Variants in ARHGEF33 observed in about 807,000 individuals in gnomAD.
ARHGEF33 encodes the protein Rho guanine nucleotide exchange factor 33, also known as DH and coiled-coil domain-containing protein ENSP00000381780.
A neutral mutation model predicts 101.9 loss-of-function variants in ARHGEF33; 72 were observed. The ratio of observed to expected loss-of-function variants is 0.71; its 90% CI spans 0.58 to 0.86. ARHGEF33 has a LOEUF of 0.86. Among genes scored for constraint, ARHGEF33 ranks in the 40% least tolerant of loss-of-function variants. ARHGEF33 has a pLI of 0.00. For missense variants in ARHGEF33, 1,169 were observed against 1,111.3 expected (o/e 1.05, Z -0.74); for synonymous variants, 499 against 442.5 (o/e 1.13, Z -1.60).
At chr2:38,956,074 T>C (rs1667744674) in intron 13 of ARHGEF33, among the ~76,000 whole-genome samples, 1 of 152,222 alleles carries the variant, frequency 6.6e-6, no homozygotes, top group Admixed American at 6.5e-5. Flanking sequence ...GTATTATTGT[T>C]GTCATGTTTT....
At chr2:38,902,134 GAA>G (rs1156887244) in intron 2 of ARHGEF33, among the ~76,000 whole-genome samples, 2 of 58,454 alleles carry the variant, frequency 3.4e-5, no homozygotes, top group African/African-American at 6.3e-5. Context: ...TCCATCTCAA[GAA>G]AAAAAAAAAA....
chr2:38,918,497 T>C (rs1219506247), intron 2 of ARHGEF33, among the ~76,000 whole-genome samples: 1 of 152,098 alleles, frequency 6.6e-6, no homozygotes, highest in Non-Finnish European at 1.5e-5. Flanking sequence ...TAAGAAGGGG[T>C]TAAAATGCTG....
intron 16 of ARHGEF33, among the ~76,000 whole-genome samples, chr2:38,964,090 C>T (rs990149965): frequency 6.6e-6 from 1 of 152,082 alleles, no homozygotes; most frequent in African/African-American, 2.4e-5. Flanking sequence ...GTGAGAGTGA[C>T]ACCTGAAGTG....
chr2:38,968,826 T>C (rs564420423), intron 17 of ARHGEF33, among the ~76,000 whole-genome samples: 8 of 152,294 alleles, frequency 5.3e-5, no homozygotes, highest in African/African-American at 1.9e-4. Context: ...TACCATCAGG[T>C]GCTTAGGGTG....
At chr2:38,934,365 A>C (rs1024133350) in intron 7 of ARHGEF33, among the ~76,000 whole-genome samples, 3 of 152,018 alleles carry the variant, frequency 2.0e-5, no homozygotes, top group African/African-American at 7.3e-5. Context: ...TTCTCTTCAG[A>C]CTTATATTTT....
intron 6 of ARHGEF33, 68 bp from the exon 7 acceptor site, chr2:38,931,041 C>G (rs1666987449): frequency 1.6e-6 from 2 of 1,245,182 alleles, no homozygotes. Context: ...TTGTTCTGAA[C>G]TGAATCTCCT....
At chr2:38,891,121 A>G (rs961788521) in intron 1 of ARHGEF33, among the ~76,000 whole-genome samples, 1 of 151,820 alleles carries the variant, frequency 6.6e-6, no homozygotes, top group African/African-American at 2.4e-5. Context: ...TTTTGTAGAG[A>G]TGGGGTTTCG....
chr2:38,973,745 A>G lies in ARHGEF33; in HGVS notation c.2515A>G (p.Asn839Asp). 1 of 1,544,768 alleles carries G rather than the reference A, an allele frequency of 6.5e-7. No homozygotes were observed. The highest frequency in any genetic ancestry group is 8.7e-7 in the Non-Finnish European group (1 of 1,144,148). Residue 839 changes from asparagine to aspartate, a missense_variant, in exon 18 of 18, where the codon AAT becomes GAT. Transcript: ENST00000409978. Reference protein sequence around the residue: ...SSGSEYREKTNENPSMDPSPT... With the variant: ...SSGSEYREKTDENPSMDPSPT... ...TGGATCAGAATACAGGGAAAAAACT[A>G]ATGAGAATCCCTCAATGGATCCTTC...
At chr2:38,960,912 C>T (rs1667920141) in intron 16 of ARHGEF33, among the ~76,000 whole-genome samples, 1 of 152,158 alleles carries the variant, frequency 6.6e-6, no homozygotes, top group Non-Finnish European at 1.5e-5. Context: ...TCATATGGTA[C>T]ACGAGGGATG....
chr2:38,961,937 C>T (rs1430940182), intron 16 of ARHGEF33, among the ~76,000 whole-genome samples: 1 of 151,974 alleles, frequency 6.6e-6, no homozygotes, highest in South Asian at 2.1e-4. Flanking sequence ...GCATACTGTG[C>T]CATGTCAAAG....
At chr2:38,934,876 G>A (rs1382360223) in intron 7 of ARHGEF33, among the ~76,000 whole-genome samples, 2 of 151,932 alleles carry the variant, frequency 1.3e-5, no homozygotes, top group Non-Finnish European at 2.9e-5. Context: ...TAAATAGAGT[G>A]CCAGGCAAAG....
In ARHGEF33 at chr2:38,957,976, G is replaced by C. The variant is rs185203270; in HGVS notation, c.1371-58G>C. The C allele has an allele frequency of 1.4e-5, 21 of 1,533,574 alleles. No individual in the cohort carries two copies. The East Asian group carries it at 5.1e-4, about 38-fold the overall frequency. 95.0% of individuals were successfully genotyped at this position (1,533,574 alleles called of 1,614,324 possible). A position where few individuals can be genotyped will look rare whatever the true frequency, so the allele number is the denominator to read the frequency against. ...CTCTATCTTTTTTGGCATAATATGT[G>C]TTCAGAGAGCCAGTTTGCCACTGTA... On this transcript the variant is annotated intron_variant, in intron 14 of 17. Coordinates refer to ENST00000409978, the MANE Select transcript of ARHGEF33 (RefSeq NM_001145451.5).
intron 2 of ARHGEF33, among the ~76,000 whole-genome samples, chr2:38,904,085 A>G (rs904467522): frequency 3.3e-5 from 5 of 152,258 alleles, no homozygotes; most frequent in African/African-American, 7.2e-5. Context: ...CATAAAATGA[A>G]TAACAGTAGA....
intron 2 of ARHGEF33, among the ~76,000 whole-genome samples, chr2:38,918,002 T>C (rs930655383): frequency 6.6e-6 from 1 of 152,222 alleles, no homozygotes; most frequent in Non-Finnish European, 1.5e-5. Context: ...CATATATTTG[T>C]ATTGTTTCAA....
At chr2:38,971,238 C>T (rs1268320445) in intron 17 of ARHGEF33, among the ~76,000 whole-genome samples, 1 of 152,204 alleles carries the variant, frequency 6.6e-6, no homozygotes, top group Non-Finnish European at 1.5e-5. Context: ...TTGGTATGAC[C>T]TACTGAATTT....
chr2:38,909,176 C>T (rs1406658631), intron 2 of ARHGEF33, among the ~76,000 whole-genome samples: 1 of 152,126 alleles, frequency 6.6e-6, no homozygotes, highest in East Asian at 1.9e-4. Flanking sequence ...TGGCAGGAGC[C>T]ACCTTGTTTC....
chr2:38,938,235 A>G (rs562330706), intron 9 of ARHGEF33, among the ~76,000 whole-genome samples: 196 of 152,170 alleles, frequency 1.3e-3, no homozygotes, highest in African/African-American at 4.5e-3. Context: ...CCCTGCTTCT[A>G]TGTTTTTAAA....
At chr2:38,934,921 C>T (rs1026999426) in intron 7 of ARHGEF33, among the ~76,000 whole-genome samples, 2 of 151,732 alleles carry the variant, frequency 1.3e-5, no homozygotes, top group East Asian at 3.9e-4. Context: ...CTTATGGGTA[C>T]TGAGGGGAAG....
intron 10 of ARHGEF33, among the ~76,000 whole-genome samples, chr2:38,947,611 G>A (rs1466292203): frequency 6.6e-6 from 1 of 152,184 alleles, no homozygotes; most frequent in Admixed American, 6.5e-5. Flanking sequence ...GTCTTGCTCT[G>A]TTGCCCAGGC....
Sources: gnomAD v4.1 joint callset for allele counts (sites outside exome capture counted in the v4.1 genomes callset) on GRCh38, gnomAD v4.1.1 for gene constraint, MANE v1.5 for transcripts, NCBI Gene and HGNC (gene_info 2026-07-23, HGNC 2026-07-21) for gene names.